Variants in PLEKHH2 observed in about 807,000 individuals in gnomAD.
PLEKHH2 encodes pleckstrin homology domain-containing family H member 2.
PLEKHH2 carries 129 observed loss-of-function variants against 187.9 expected under a neutral mutation model. The observed-to-expected ratio is 0.69, with a 90% CI of 0.59 to 0.79. The LOEUF (loss-of-function observed/expected upper bound fraction) is 0.79, where lower values mean the gene tolerates loss of function less well. Among genes scored for constraint, PLEKHH2 ranks in the 30% least tolerant of loss-of-function variants. The pLI, the probability that PLEKHH2 is intolerant of heterozygous loss-of-function variation, is 0.00. For missense variants in PLEKHH2, 2,076 were observed against 1,751.2 expected, an observed-to-expected ratio of 1.19 and a Z score of -3.31; for synonymous variants, 686 against 605.6, an observed-to-expected ratio of 1.13 and a Z score of -1.95.
chr2:43,765,567 G>T lies in PLEKHH2; in HGVS notation c.4451G>T (p.Ser1484Ile), dbSNP rs772114829. Reference protein sequence around the residue: ...MMGSQPLLSSSRPTKGPTLL With the variant: ...MMGSQPLLSSIRPTKGPTLL ...GGAAGCCAGCCTCTTCTGTCAAGCA[G>T]CAGACCGACCAAAGGCCCCACCTTA... is the stretch of plus-strand genomic sequence containing the variant. Residue 1484 changes from serine to isoleucine, a missense_variant, in exon 30 of 30, where the codon AGC (serine) becomes ATC (isoleucine). By Grantham distance (142) the Ser-to-Ile change is moderately radical. Coordinates refer to ENST00000282406, the MANE Select transcript of PLEKHH2 (RefSeq NM_172069.4). 1 of 1,613,776 alleles carries T rather than the reference G, an allele frequency of 6.2e-7. No individual in the cohort carries two copies. The highest frequency in any genetic ancestry group is 1.3e-5 in the African/African-American group (1 of 74,864).
rs1670745157 is a variant in PLEKHH2, at chr2:43,726,378, C to T, written c.2648C>T (p.Thr883Ile). The T allele has an allele frequency of 3.1e-6, 5 of 1,610,802 alleles. No homozygotes were observed. The highest frequency in any genetic ancestry group is 4.2e-6 in the Non-Finnish European group (5 of 1,177,008). ...YEASGRSLLS[T>I]HYTIVIHPKD... ...GCCAGTGGACGAAGTCTGTTATCCACACATTATACTATCGTTATCCATCCC... is the reference window on the plus strand; with the variant it reads ...GCCAGTGGACGAAGTCTGTTATCCATACATTATACTATCGTTATCCATCCC... The change falls in exon 17 of 30, where the codon ACA becomes ATA. Residue 883 changes from threonine to isoleucine, a missense_variant. Coordinates refer to ENST00000282406, the MANE Select transcript of PLEKHH2 (RefSeq NM_172069.4).
At chr2:43,657,621 A>G (rs919688) in intron 2 of PLEKHH2, among the ~76,000 whole-genome samples, 60,793 of 152,108 alleles carry the variant, frequency 0.4, 12,514 homozygotes, top group Non-Finnish European at 0.44. Flanking sequence ...AAAAGAGCAC[A>G]TGGGATAGGA....
intron 3 of PLEKHH2, among the ~76,000 whole-genome samples, chr2:43,691,477 A>G (rs1485174792): frequency 6.6e-6 from 1 of 152,224 alleles, no homozygotes; most frequent in Non-Finnish European, 1.5e-5. Flanking sequence ...AAGGGTAGGT[A>G]TATGTAAAAT....
chr2:43,672,809 G>A (rs1276404721), intron 2 of PLEKHH2, among the ~76,000 whole-genome samples: 1 of 151,708 alleles, frequency 6.6e-6, no homozygotes, highest in African/African-American at 2.4e-5. Context: ...ACTCCCTCTG[G>A]TGCCTCATCA....
chr2:43,710,730 G>A lies in PLEKHH2; in HGVS notation c.2301+155G>A, dbSNP rs1023512017. On this transcript the variant is annotated intron_variant, in intron 14 of 29. Coordinates refer to ENST00000282406, the MANE Select transcript of PLEKHH2 (RefSeq NM_172069.4). ...GCCTTGGAAGTATGTGAAACTCCAC[G>A]AATTTTTGGTTAAAACTATAATGTA... 14 of 1,412,350 alleles carry A rather than the reference G, an allele frequency of 9.9e-6. No homozygotes were observed. In the South Asian group the frequency reaches 1.3e-4, roughly 13 times the overall value. 87.5% of individuals were successfully genotyped at this position (1,412,350 alleles called of 1,614,324 possible).
intron 7 of PLEKHH2, 45 bp downstream of exon 7, chr2:43,697,401 G>A (rs1160609938): frequency 6.7e-7 from 1 of 1,482,740 alleles, no homozygotes; most frequent in Non-Finnish European, 9.2e-7. Flanking sequence ...TTTTAAAAAG[G>A]AAGACTCATT....
In PLEKHH2 at chr2:43,670,897, T is replaced by C. The variant is rs1248532193; in HGVS notation, c.124-7966T>C. ...TATTGTGCTTATTTTGTTAGATTCA[T>C]AGCTAAGTATTTTATGGTTTTGATG... On this transcript the variant is annotated intron_variant, in intron 2 of 29. Coordinates refer to ENST00000282406, the MANE Select transcript of PLEKHH2 (RefSeq NM_172069.4). Among the ~76,000 whole-genome samples the C allele has an allele frequency of 2.0e-5, 3 of 152,216 alleles. No homozygotes were observed. The South Asian group carries it at 6.2e-4, about 32-fold the overall frequency.
At chr2:43,710,845 C>T (rs570509306) in intron 14 of PLEKHH2, 17 of 1,206,254 alleles carry the variant, frequency 1.4e-5, no homozygotes, top group Non-Finnish European at 1.7e-5. Flanking sequence ...TAGGTATTTT[C>T]AGCTGTCCAA....
In PLEKHH2 at chr2:43,719,137, T is replaced by G. The variant is rs142728197; in HGVS notation, c.2461-1532T>G. On this transcript the variant is annotated intron_variant, in intron 15 of 29. Transcript: ENST00000282406. The stretch of plus-strand genomic sequence containing the variant: ...ATGAAAATATTTAACATACTGCTGA[T>G]TTAATTGTCTGTCTTCTTCACAAGG... Among the ~76,000 whole-genome samples, 37 of 152,324 alleles carry G rather than the reference T, an allele frequency of 2.4e-4. No homozygotes were observed. The East Asian group carries it at 6.9e-3, about 29-fold the overall frequency.
rs774135523 is a variant in PLEKHH2 at position 43,653,951 on chromosome 2, G to A, written c.123+9155G>A. ...TGAACAATGATTTAACCAAAGGTAA[G>A]ATATAAACATATTGGGAGAATGGGA... On this transcript the variant is annotated intron_variant, in intron 2 of 29. Transcript: ENST00000282406. Among the ~76,000 whole-genome samples, 3 of 152,320 alleles carry A rather than the reference G, an allele frequency of 2.0e-5. No individual in the cohort carries two copies. The South Asian group carries it at 6.2e-4, about 32-fold the overall frequency.
At chr2:43,669,280 T>G (rs1667383624) in intron 2 of PLEKHH2, among the ~76,000 whole-genome samples, 1 of 152,146 alleles carries the variant, frequency 6.6e-6, no homozygotes, top group Non-Finnish European at 1.5e-5. Context: ...GTATTCAGCC[T>G]CACTCATACT....
At chr2:43,693,754 C>T (rs1668952793) in intron 4 of PLEKHH2, among the ~76,000 whole-genome samples, 1 of 131,348 alleles carries the variant, frequency 7.6e-6, no homozygotes, top group Admixed American at 7.4e-5. Flanking sequence ...AAAAATTGCA[C>T]TGGGGATTGG....
intron 25 of PLEKHH2, among the ~76,000 whole-genome samples, chr2:43,754,205 C>CACACA (rs1553353833): frequency 4.2e-5 from 6 of 143,078 alleles, no homozygotes; most frequent in African/African-American, 1.1e-4. Context: ...CACACACACA[C>CACACA]AAAATTAATA....
intron 2 of PLEKHH2, chr2:43,676,004 T>G (rs1667752145): frequency 1.2e-6 from 2 of 1,613,926 alleles, no homozygotes; most frequent in Non-Finnish European, 1.7e-6. Flanking sequence ...TTGAACAAAT[T>G]ATCATTTTTA....
intron 8 of PLEKHH2, among the ~76,000 whole-genome samples, chr2:43,701,527 A>C (rs1669363416): frequency 6.6e-6 from 1 of 151,274 alleles, no homozygotes; most frequent in Admixed American, 6.6e-5. Context: ...GGGACACTTA[A>C]CTCTTGTTAG....
rs897903686 is a variant in PLEKHH2 at position 43,767,243 on chromosome 2, C to T, written c.*1645C>T. 6.6e-6 allele frequency: 1 copy of T among 151,908 alleles called. No homozygotes were observed. The highest frequency in any genetic ancestry group is 1.5e-5 in the Non-Finnish European group (1 of 67,940). 9.4% of individuals were successfully genotyped at this position (151,908 alleles called of 1,614,324 possible). A position where few individuals can be genotyped will look rare whatever the true frequency, so the allele number is the denominator to read the frequency against. On this transcript the variant is annotated 3_prime_UTR_variant, in exon 30 of 30. Transcript: ENST00000282406. ...TTAGCTGCTGAATTAATTTGTTGCC[C>T]GAGCCTTCATATTTTCTTCTTTGCT...
chr2:43,697,468 T>G, intron 7 of PLEKHH2, 112 bp downstream of exon 7: 1 of 895,044 alleles, frequency 1.1e-6, no homozygotes, highest in Non-Finnish European at 1.6e-6. Context: ...GACAATTTGA[T>G]GTTTTATGAG....
intron 27 of PLEKHH2, among the ~76,000 whole-genome samples, chr2:43,761,855 C>T (rs2104629240): frequency 6.6e-6 from 1 of 152,170 alleles, no homozygotes; most frequent in South Asian, 2.1e-4. Context: ...GAAAGGTGTG[C>T]AATTATAATA....
rs1672634533 is a variant in PLEKHH2, at chr2:43,766,707, C to G, written c.*1109C>G. On this transcript the variant is annotated 3_prime_UTR_variant, in exon 30 of 30. Coordinates refer to ENST00000282406, the MANE Select transcript of PLEKHH2 (RefSeq NM_172069.4). ...CCTCGACCTTCCGGGATCAAGCAAT[C>G]CCACTTCAGCCTCTTGAATAGCTGG... The G allele has an allele frequency of 1.3e-5, 2 of 152,348 alleles. No individual in the cohort carries two copies. Among genetic ancestry groups the G allele is most frequent in the Admixed American group, 1.3e-4 (2 of 15,280 alleles). 9.4% of individuals were successfully genotyped at this position (152,348 alleles called of 1,614,324 possible). A position where few individuals can be genotyped will look rare whatever the true frequency, so the allele number is the denominator to read the frequency against.
Sources: gnomAD v4.1 joint callset for allele counts (sites outside exome capture counted in the v4.1 genomes callset) on GRCh38, gnomAD v4.1.1 for gene constraint, MANE v1.5 for transcripts, NCBI Gene and HGNC (gene_info 2026-07-23, HGNC 2026-07-21) for gene names.